The following NRXN1 variants were observed in gnomAD, a reference collection of about 807,000 sequenced individuals.
NRXN1 encodes the protein neurexin 1.
NRXN1 carries 39 observed loss-of-function variants against 150.9 expected under a neutral mutation model. The observed-to-expected ratio is 0.26, with a 90% CI of 0.20 to 0.34. The LOEUF is 0.34. Ranked by LOEUF, NRXN1 falls within the 10% of genes least tolerant of loss-of-function variation. The probability of loss-of-function intolerance (pLI) is 1.00; values close to 1 mark genes in which losing one functional copy is unlikely to be tolerated. For missense variants in NRXN1, 1,815 were observed against 1,949.9 expected (o/e 0.93, Z 1.30); for synonymous variants, 924 against 757.0 (o/e 1.22, Z -3.62).
chr2:50,636,860 C>T (rs73933010), intron 5 of NRXN1, among the ~76,000 whole-genome samples: 2,685 of 152,198 alleles, frequency 0.018, 82 homozygotes, highest in East Asian at 0.11. Flanking sequence ...ATTTAAAGTA[C>T]TTCTTCATAT....
chr2:50,828,473 G>A (rs1161020239), intron 5 of NRXN1, among the ~76,000 whole-genome samples: 2 of 151,368 alleles, frequency 1.3e-5, no homozygotes, highest in African/African-American at 2.4e-5. Context: ...CTTCTCAGAC[G>A]GGGCGGTTGC....
At chr2:50,080,503 T>C (rs1271245283) in intron 19 of NRXN1, among the ~76,000 whole-genome samples, 4 of 152,088 alleles carry the variant, frequency 2.6e-5, no homozygotes, top group African/African-American at 7.2e-5. Context: ...CTTTATGATA[T>C]TGGACACAGT....
chr2:50,558,146 G>A (rs543958397), intron 8 of NRXN1, among the ~76,000 whole-genome samples: 4 of 152,070 alleles, frequency 2.6e-5, no homozygotes, highest in Non-Finnish European at 5.9e-5. Flanking sequence ...ATAGTAATGT[G>A]TTTAATTCCC....
intron 3 of NRXN1, 93 bp downstream of exon 3, chr2:50,925,845 T>C (rs1686784921): frequency 2.1e-6 from 2 of 975,078 alleles, no homozygotes; most frequent in African/African-American, 3.3e-5. Flanking sequence ...CAGAAAGAAG[T>C]TCAACTTACC....
chr2:50,553,415 C>T (rs552081951), intron 8 of NRXN1, among the ~76,000 whole-genome samples: 1 of 152,134 alleles, frequency 6.6e-6, no homozygotes, highest in Non-Finnish European at 1.5e-5. Context: ...TAAATATAAG[C>T]ACTGAGGTTA....
intron 17 of NRXN1, among the ~76,000 whole-genome samples, chr2:50,399,812 A>ATCTCAG (rs1270132517): frequency 3.5e-5 from 1 of 28,510 alleles, no homozygotes; most frequent in African/African-American, 1.7e-4. Context: ...AAAAAAAAAA[A>ATCTCAG]AAAAAAAAAA....
chr2:50,882,352 A>T (rs1272075643), intron 5 of NRXN1, among the ~76,000 whole-genome samples: 1 of 152,044 alleles, frequency 6.6e-6, no homozygotes, highest in Non-Finnish European at 1.5e-5. Flanking sequence ...AACTTCATTT[A>T]TGAAATTCCT....
intron 5 of NRXN1, among the ~76,000 whole-genome samples, chr2:50,676,585 G>A (rs1350302950): frequency 6.6e-6 from 1 of 152,046 alleles, no homozygotes. Context: ...AATATAAAAC[G>A]ATAATACATA....
chr2:50,179,903 G>T (rs569059410), intron 18 of NRXN1, among the ~76,000 whole-genome samples: 9 of 151,918 alleles, frequency 5.9e-5, no homozygotes, highest in African/African-American at 2.2e-4. Context: ...ACAAATAATC[G>T]GTTTGATTTT....
intron 18 of NRXN1, among the ~76,000 whole-genome samples, chr2:50,232,576 G>A (rs927187889): frequency 6.6e-6 from 1 of 151,460 alleles, no homozygotes; most frequent in Admixed American, 6.6e-5. Context: ...TAGTAGAGAT[G>A]GGGTTTCACC....
chr2:50,320,031 C>A (rs576212249), intron 17 of NRXN1, among the ~76,000 whole-genome samples: 2 of 151,488 alleles, frequency 1.3e-5, no homozygotes, highest in African/African-American at 2.4e-5. Context: ...GTTATCGAAA[C>A]CTAACATTTC....
intron 2 of NRXN1, among the ~76,000 whole-genome samples, chr2:50,947,820 G>A (rs1690644316): frequency 6.6e-6 from 1 of 151,956 alleles, no homozygotes; most frequent in South Asian, 2.1e-4. Context: ...CTACTTAACA[G>A]TACACTTGCA....
chr2:50,819,154 T>C (rs1669351995), intron 5 of NRXN1, among the ~76,000 whole-genome samples: 1 of 152,222 alleles, frequency 6.6e-6, no homozygotes, highest in African/African-American at 2.4e-5. Flanking sequence ...TACCATATGA[T>C]TCAGTATTTA....
chr2:50,841,367 A>C (rs1044503681), intron 5 of NRXN1, among the ~76,000 whole-genome samples: 2 of 152,208 alleles, frequency 1.3e-5, no homozygotes, highest in Admixed American at 1.3e-4. Context: ...TGCAGAAGTC[A>C]AAGTAATTGC....
At chr2:50,744,939 T>C (rs1330702597) in intron 5 of NRXN1, among the ~76,000 whole-genome samples, 1 of 152,082 alleles carries the variant, frequency 6.6e-6, no homozygotes, top group East Asian at 1.9e-4. Context: ...TTTCTGACAA[T>C]CTCTTGGTGT....
In NRXN1 at chr2:50,522,934, ATG is replaced by A. The variant is rs1242113121; in HGVS notation, c.2374+5689_2374+5690del. On this transcript the variant is annotated intron_variant, in intron 12 of 22. Transcript: ENST00000401669. ...TTTTTAGTAGAGACGGGGTTTCACC[ATG>A]CTGGTCAGGCTGGTCCTAGAACTCC... Among the ~76,000 whole-genome samples, 4 of 151,374 alleles carry A rather than the reference ATG, an allele frequency of 2.6e-5. No individual in the cohort carries two copies. The South Asian group carries it at 6.3e-4, about 24-fold the overall frequency.
chr2:50,198,130 C>T (rs1251814463), intron 18 of NRXN1, among the ~76,000 whole-genome samples: 1 of 152,094 alleles, frequency 6.6e-6, no homozygotes, highest in Non-Finnish European at 1.5e-5. Flanking sequence ...TGGGGCATTG[C>T]TATCACCAAA....
chr2:50,667,165 C>A (rs1254377452), intron 5 of NRXN1, among the ~76,000 whole-genome samples: 1 of 138,682 alleles, frequency 7.2e-6, no homozygotes, highest in Admixed American at 7.6e-5. Context: ...AGAATTTACA[C>A]AATTTCTTTC....
At chr2:50,691,182 C>A (rs891037731) in intron 5 of NRXN1, among the ~76,000 whole-genome samples, 1 of 151,822 alleles carries the variant, frequency 6.6e-6, no homozygotes, top group African/African-American at 2.4e-5. Flanking sequence ...GATTTTATAC[C>A]CTAAGTGATG....
Sources: allele counts gnomAD v4.1 joint callset (sites outside exome capture counted in the v4.1 genomes callset), GRCh38; gene constraint gnomAD v4.1.1; transcripts MANE v1.5; gene names NCBI Gene and HGNC (gene_info 2026-07-23, HGNC 2026-07-21).